The following ADGRE2 variants were observed in gnomAD, a reference collection of about 807,000 sequenced individuals.
The protein encoded by ADGRE2 is adhesion G protein-coupled receptor E2, also known as CD97 antigen.
Under a neutral mutation model 100.8 loss-of-function variants are expected in ADGRE2, and 83 were observed. That is an observed-to-expected ratio of 0.82 (90% CI 0.69 to 0.99). The LOEUF is 0.99. ADGRE2 is among the 50% of genes least tolerant of loss of function. The pLI is 0.00. For missense variants in ADGRE2, 814 were observed against 1,035.7 expected (o/e 0.79, Z 2.94); for synonymous variants, 355 against 413.0 (o/e 0.86, Z 1.70).
chr19:14,765,245 C>T, intron 10 of ADGRE2, 75 bp downstream of exon 10: 1 of 1,550,880 alleles, frequency 6.4e-7, no homozygotes, highest in Non-Finnish European at 8.9e-7. Context: ...CCCTCCCAGA[C>T]CCAAACTGCC....
rs534741485 is a variant in ADGRE2, at chr19:14,751,655, A to G, written c.1805T>C (p.Ile602Thr). The change falls in exon 16 of 21, where the codon ATC becomes ACC. Residue 602 changes from isoleucine (I) to threonine (T), a missense_variant. Transcript: ENST00000315576. ...QTGHKVLCSI[I>T]AGTLHYLYLA... is the part of the protein sequence containing the mutation. ...GTAGAGATAGTGCAAGGTACCGGCG[A>G]TGATGGAGCACAGCACCTGGCGGAG... 1.7e-5 allele frequency: 27 copies of G among 1,613,980 alleles called. No homozygotes were observed. The highest frequency in any genetic ancestry group is 2.1e-5 in the Non-Finnish European group (25 of 1,179,914).
the ADGRE2 span, among the ~76,000 whole-genome samples, chr19:14,726,025 C>T: frequency 1.3e-5 from 2 of 152,144 alleles, no homozygotes; most frequent in African/African-American, 2.4e-5. Flanking sequence ...TCCTGGGCAC[C>T]GTGGCTTTTC....
intron 4 of ADGRE2, among the ~76,000 whole-genome samples, chr19:14,772,837 T>C (rs1179489308): frequency 2.0e-5 from 3 of 151,426 alleles, no homozygotes; most frequent in African/African-American, 7.3e-5. Context: ...CCCAGCACTT[T>C]GGGAGGCCGA....
At chr19:14,731,301 G>A, downstream of ADGRE2, 1 of 1,047,758 alleles carries the variant, frequency 9.5e-7, no homozygotes, top group Non-Finnish European at 1.4e-6. Flanking sequence ...TGCAGATTCT[G>A]AAGCTTGCAG....
At chr19:14,731,138 T>G, downstream of ADGRE2, 1 of 1,529,818 alleles carries the variant, frequency 6.5e-7, no homozygotes, top group Non-Finnish European at 8.8e-7. Flanking sequence ...TTCTCTTCTC[T>G]TTCCCTCATT....
downstream of ADGRE2, among the ~76,000 whole-genome samples, chr19:14,728,537 C>G (rs983284278): frequency 2.6e-5 from 4 of 152,146 alleles, no homozygotes; most frequent in African/African-American, 9.7e-5. Context: ...AAGCACATCA[C>G]TTATAAATGT....
chr19:14,773,080 C>CA (rs35688921), intron 4 of ADGRE2, among the ~76,000 whole-genome samples: 734 of 45,558 alleles, frequency 0.016, 18 homozygotes, highest in East Asian at 0.087. Flanking sequence ...GACTCCATCT[C>CA]AAAAAAAAAA....
rs368370128 is a variant in ADGRE2, at chr19:14,751,531, C to T, written c.1929G>A (p.Met643Ile). 3.1e-6 allele frequency: 5 copies of T among 1,614,102 alleles called. No homozygotes were observed. Among genetic ancestry groups the T allele is most frequent in the Non-Finnish European group, 1.7e-6 (2 of 1,180,022 alleles). ...VVNYSSINRF[M>I]KKLMFPVGYG... Reference sequence around the variant, plus strand: ...AGCCCACAGGGAACATGAGCTTCTTCATGAATCTGTTGATGCTTGAGTAGT... The same window carrying T: ...AGCCCACAGGGAACATGAGCTTCTTTATGAATCTGTTGATGCTTGAGTAGT... The change falls in exon 16 of 21, where the codon ATG becomes ATA. Residue 643 changes from methionine (M) to isoleucine (I), a missense_variant. Physicochemically the swap from Met to Ile is conservative, Grantham distance 10. Coordinates refer to ENST00000315576, the MANE Select transcript of ADGRE2 (RefSeq NM_013447.4).
chr19:14,766,262 T>C lies in ADGRE2; in HGVS notation c.607A>G (p.Asn203Asp). ...TCACAGACGGTATTGTTTGGGCCAT[T>C]GGGGGACCCCGGAATCGGTTGCCAG... ...PGWQPIPGSPNGPNNTVCEDV... is the reference protein window; with the variant it reads ...PGWQPIPGSPDGPNNTVCEDV... Residue 203 changes from asparagine (N) to aspartate (D), a missense_variant, in exon 7 of 21, where the codon AAT (asparagine) becomes GAT (aspartate). By Grantham distance (23) the Asn-to-Asp change is conservative (BLOSUM62 1). Around this residue, in one of 5 missense-constraint regions of ADGRE2, gnomAD observed 69 missense variants for 75.3 expected, o/e 0.92. Coordinates refer to ENST00000315576, the MANE Select transcript of ADGRE2 (RefSeq NM_013447.4). 3 of 1,614,068 alleles carry C rather than the reference T, an allele frequency of 1.9e-6. No individual in the cohort carries two copies. Among genetic ancestry groups the C allele is most frequent in the Non-Finnish European group, 2.5e-6 (3 of 1,180,002 alleles).
intron 1 of ADGRE2, 31 bp from the exon 2 acceptor site, chr19:14,776,958 C>T: frequency 7.1e-7 from 1 of 1,409,344 alleles, no homozygotes; most frequent in Non-Finnish European, 9.2e-7. Context: ...ACAATAAAAA[C>T]ACAGAACCAG....
intron 5 of ADGRE2, among the ~76,000 whole-genome samples, chr19:14,770,839 T>G (rs1172182780): frequency 6.6e-6 from 1 of 151,860 alleles, no homozygotes; most frequent in Non-Finnish European, 1.5e-5. Context: ...CCACTATGCC[T>G]GGCTAACTTT....
chr19:14,773,451 G>A (rs1302578026), intron 4 of ADGRE2, among the ~76,000 whole-genome samples: 1 of 136,628 alleles, frequency 7.3e-6, no homozygotes, highest in Non-Finnish European at 1.5e-5. Context: ...CTGTTGCCCA[G>A]ACAATCCCTC....
At chr19:14,728,936 C>A (rs776715460), downstream of ADGRE2, among the ~76,000 whole-genome samples, 60 of 152,168 alleles carry the variant, frequency 3.9e-4, no homozygotes, top group Admixed American at 7.2e-4. Context: ...ACAATGTAAG[C>A]TGACCCGATT....
intron 2 of ADGRE2, among the ~76,000 whole-genome samples, 176 bp from the exon 3 acceptor site, chr19:14,774,482 C>T (rs2044344182): frequency 6.6e-6 from 1 of 151,502 alleles, no homozygotes; most frequent in Non-Finnish European, 1.5e-5. Context: ...GCCAGAGAGT[C>T]TGTCACCCTG....
intron 20 of ADGRE2, among the ~76,000 whole-genome samples, chr19:14,739,261 T>G (rs990507900): frequency 1.2e-4 from 19 of 152,232 alleles, no homozygotes; most frequent in East Asian, 5.8e-4. Flanking sequence ...TGAGCCAGCG[T>G]GTCCGGCCAA....
At chr19:14,753,458 T>C (rs2034282257) in intron 14 of ADGRE2, among the ~76,000 whole-genome samples, 2 of 151,978 alleles carry the variant, frequency 1.3e-5, no homozygotes, top group African/African-American at 4.8e-5. Flanking sequence ...CCGCAGGATA[T>C]GATGATGATG....
chr19:14,733,014 G>A lies in ADGRE2; in HGVS notation c.*3222C>T, dbSNP rs1446901541. On this transcript the variant is annotated 3_prime_UTR_variant, in exon 21 of 21. Transcript: ENST00000315576. ...GCTCTACACTCATAGGGACCCACAT[G>A]TTCCAAGCCTCCAGCTGTGTGTTCT... 1 of 152,202 alleles carries A rather than the reference G, an allele frequency of 6.6e-6. No individual in the cohort carries two copies. The highest frequency in any genetic ancestry group is 1.5e-5 in the Non-Finnish European group (1 of 68,052). The allele number at this position is 152,202 out of a possible 1,614,324, so 9.4% of individuals were successfully genotyped here. A position where few individuals can be genotyped will look rare whatever the true frequency, so the allele number is the denominator to read the frequency against.
At chr19:14,749,746 C>T (rs12983256) in intron 16 of ADGRE2, among the ~76,000 whole-genome samples, 186 of 104,994 alleles carry the variant, frequency 1.8e-3, no homozygotes, top group East Asian at 4.3e-3. Flanking sequence ...TTCATAGTTA[C>T]ATAATTATTT....
In ADGRE2 at chr19:14,743,533, G is replaced by T; in HGVS notation, c.2353-3C>A. The stretch of plus-strand genomic sequence containing the variant: ...CATTTCCCATATTGCTCCCGGACCT[G>T]CAGAGGCAAAGTGTGTACTGGGTCA... On this transcript the variant is annotated splice_polypyrimidine_tract_variant and splice_region_variant and intron_variant, in intron 19 of 20. Coordinates refer to ENST00000315576, the MANE Select transcript of ADGRE2 (RefSeq NM_013447.4). 2 of 1,614,062 alleles carry T rather than the reference G, an allele frequency of 1.2e-6. No individual in the cohort carries two copies. Among genetic ancestry groups the T allele is most frequent in the Non-Finnish European group, 1.7e-6 (2 of 1,179,898 alleles).
Sources: allele counts gnomAD v4.1 joint callset (sites outside exome capture counted in the v4.1 genomes callset), GRCh38; gene constraint gnomAD v4.1.1; regional missense constraint gnomAD v4.1.1; transcripts MANE v1.5; gene names NCBI Gene and HGNC (gene_info 2026-07-23, HGNC 2026-07-21).